GABRA2: variants seen among roughly 807,000 people sequenced by gnomAD.
GABRA2 encodes gamma-aminobutyric acid receptor subunit alpha-2.
A neutral mutation model predicts 48.7 loss-of-function variants in GABRA2; 16 were observed. The observed-to-expected ratio is 0.33, with a 90% CI of 0.22 to 0.50. GABRA2 has a LOEUF of 0.50. GABRA2 is among the 20% of genes least tolerant of loss of function. GABRA2 has a pLI of 0.98. For missense variants in GABRA2, 275 were observed against 535.6 expected (o/e 0.51, Z 4.80); for synonymous variants, 185 against 184.5 (o/e 1.00, Z -0.02).
Position 46,312,131 on chromosome 4 carries a change from G to C in GABRA2, c.476+365C>G, listed in dbSNP as rs373378083. 2.5e-4 allele frequency among the ~76,000 whole-genome samples: 38 copies of C among 152,072 alleles called. 1 individual carries two copies. The East Asian group carries it at 4.5e-3, about 18-fold the overall frequency. On this transcript the variant is annotated intron_variant, in intron 5 of 9. Coordinates refer to ENST00000381620, the MANE Select transcript of GABRA2 (RefSeq NM_000807.4). ...GAATAAATAAATAAAGTCTTACTTT[G>C]AAATAACAAAAATTTTGATGGGATA...
intron 3 of GABRA2, among the ~76,000 whole-genome samples, chr4:46,375,151 C>T (rs1715503194): frequency 6.6e-6 from 1 of 151,882 alleles, no homozygotes; most frequent in South Asian, 2.1e-4. Context: ...CTGCAAAATC[C>T]AGTGAAGAAT....
intron 3 of GABRA2, among the ~76,000 whole-genome samples, chr4:46,345,647 G>T (rs1297596432): frequency 6.6e-6 from 1 of 151,840 alleles, no homozygotes; most frequent in East Asian, 1.9e-4. Flanking sequence ...AGGATACCTT[G>T]CATTGACGTT....
chr4:46,292,045 C>G (rs1040261050), intron 8 of GABRA2, among the ~76,000 whole-genome samples: 1 of 151,964 alleles, frequency 6.6e-6, no homozygotes, highest in Middle Eastern at 3.2e-3. Context: ...TAGAGAGTTA[C>G]GCCAAATGAG....
chr4:46,310,388 C>A, intron 5 of GABRA2, 133 bp from the exon 6 acceptor site: 1 of 540,186 alleles, frequency 1.9e-6, no homozygotes, highest in East Asian at 2.9e-5. Context: ...TTTAAATAAT[C>A]TTTTGTTCAT....
intron 1 of GABRA2, 34 bp from the exon 2 acceptor site, chr4:46,388,750 A>G (rs1020934079): frequency 6.2e-7 from 1 of 1,612,746 alleles, no homozygotes; most frequent in Non-Finnish European, 8.5e-7. Flanking sequence ...AACAAAATAC[A>G]CTTAAAATTG....
chr4:46,284,882 A>T (rs540721685), intron 8 of GABRA2, among the ~76,000 whole-genome samples: 1 of 152,092 alleles, frequency 6.6e-6, no homozygotes, highest in South Asian at 2.1e-4. Context: ...AAAGCTTTGG[A>T]CTTAGGGGAA....
Position 46,389,925 on chromosome 4 carries a change from T to A in GABRA2, c.-201A>T. 1 of 977,462 alleles carries A rather than the reference T, an allele frequency of 1.0e-6. No homozygotes were observed. Among genetic ancestry groups the A allele is most frequent in the African/African-American group, 1.9e-5 (1 of 53,350 alleles). The allele number at this position is 977,462 out of a possible 1,614,324, so 60.5% of individuals were successfully genotyped here. A position where few individuals can be genotyped will look rare whatever the true frequency, so the allele number is the denominator to read the frequency against. On this transcript the variant is annotated 5_prime_UTR_variant, in exon 1 of 10. Coordinates refer to ENST00000381620, the MANE Select transcript of GABRA2 (RefSeq NM_000807.4). Reference sequence around the variant, plus strand: ...GCTGGTGGAAGCCGGAGAGGAGCGCTAGGAGCCGCGGCGGCGGCGCGAGGT... The same window carrying A: ...GCTGGTGGAAGCCGGAGAGGAGCGCAAGGAGCCGCGGCGGCGGCGCGAGGT...
At chr4:46,278,699 A>G (rs993732394) in intron 8 of GABRA2, among the ~76,000 whole-genome samples, 4 of 152,098 alleles carry the variant, frequency 2.6e-5, no homozygotes, top group Non-Finnish European at 4.4e-5. Context: ...ATGTGAGCCC[A>G]TTTCCTTATA....
chr4:46,331,811 A>T (rs952002763), intron 4 of GABRA2, among the ~76,000 whole-genome samples: 1 of 152,066 alleles, frequency 6.6e-6, no homozygotes, highest in Non-Finnish European at 1.5e-5. Context: ...AGCTCACTGC[A>T]ACTTCGACCT....
intron 4 of GABRA2, among the ~76,000 whole-genome samples, chr4:46,320,832 A>G (rs144939943): frequency 2.0e-5 from 3 of 151,994 alleles, no homozygotes; most frequent in East Asian, 3.9e-4. Context: ...AGGGAAAACA[A>G]TATTGATATT....
At chr4:46,346,217 T>A (rs1734116543) in intron 3 of GABRA2, among the ~76,000 whole-genome samples, 1 of 151,920 alleles carries the variant, frequency 6.6e-6, no homozygotes, top group South Asian at 2.1e-4. Flanking sequence ...CTAGTAAAAG[T>A]TAAAAACATT....
rs962192458 is a variant in GABRA2 at position 46,297,381 on chromosome 4, T to G, written c.856+6079A>C. Among the ~76,000 whole-genome samples the G allele has an allele frequency of 2.7e-5, 4 of 150,200 alleles. No homozygotes were observed. In the East Asian group the frequency reaches 7.9e-4, roughly 30 times the overall value. ...ACATCAGACTCCAAGTTCTTCAGCT[T>G]TGGGACTCAGACTGGCTCTCCTTGC... On this transcript the variant is annotated intron_variant, in intron 8 of 9. Transcript: ENST00000381620.
intron 8 of GABRA2, among the ~76,000 whole-genome samples, chr4:46,272,827 C>G (rs1337381517): frequency 1.3e-5 from 2 of 151,980 alleles, no homozygotes; most frequent in Non-Finnish European, 2.9e-5. Flanking sequence ...GAAAAGGAAG[C>G]AGGAGCCAGA....
intron 3 of GABRA2, among the ~76,000 whole-genome samples, chr4:46,375,099 A>G (rs138971610): frequency 6.6e-6 from 1 of 152,264 alleles, no homozygotes; most frequent in East Asian, 1.9e-4. Flanking sequence ...TATAATAAAA[A>G]CACAAAAATA....
intron 6 of GABRA2, among the ~76,000 whole-genome samples, chr4:46,309,205 G>A (rs952391622): frequency 2.6e-5 from 4 of 152,094 alleles, no homozygotes; most frequent in Admixed American, 6.6e-5. Flanking sequence ...TACCACAAAA[G>A]TATGATCATC....
intron 5 of GABRA2, 21 bp from the exon 6 acceptor site, chr4:46,310,276 A>G (rs202213135): frequency 1.9e-6 from 3 of 1,598,436 alleles, no homozygotes; most frequent in South Asian, 2.2e-5. Flanking sequence ...AAATTTCACT[A>G]TTTGTTTAAG....
intron 3 of GABRA2, among the ~76,000 whole-genome samples, chr4:46,335,940 T>G (rs1732154090): frequency 2.0e-5 from 3 of 152,286 alleles, no homozygotes; most frequent in Non-Finnish European, 2.9e-5. Flanking sequence ...GTAAGCCCTC[T>G]TCTCTCATTT....
At position 46,248,285 on chromosome 4, in the gene GABRA2, T is replaced by C. The variant is rs1714083701; in HGVS notation, c.*2023A>G. On this transcript the variant is annotated 3_prime_UTR_variant, in exon 10 of 10. Transcript: ENST00000381620. Reference sequence around the variant, plus strand: ...TTGCCTTCTGGCATTGTGTACTTCCTTATACAATTGCACACATCCCTAAAC... The same window carrying C: ...TTGCCTTCTGGCATTGTGTACTTCCCTATACAATTGCACACATCCCTAAAC... The C allele has an allele frequency of 6.6e-6, 1 of 151,384 alleles. No individual in the cohort carries two copies. Among genetic ancestry groups the C allele is most frequent in the African/African-American group, 2.4e-5 (1 of 41,366 alleles). 9.4% of individuals were successfully genotyped at this position (151,384 alleles called of 1,614,324 possible). A position where few individuals can be genotyped will look rare whatever the true frequency, so the allele number is the denominator to read the frequency against.
chr4:46,348,873 T>C (rs1344088858), intron 3 of GABRA2, among the ~76,000 whole-genome samples: 1 of 151,608 alleles, frequency 6.6e-6, no homozygotes, highest in Non-Finnish European at 1.5e-5. Flanking sequence ...CATGTATACA[T>C]ATGTAACAAA....
Sources: gnomAD v4.1 joint callset for allele counts (sites outside exome capture counted in the v4.1 genomes callset) on GRCh38, gnomAD v4.1.1 for gene constraint, MANE v1.5 for transcripts, NCBI Gene and HGNC (gene_info 2026-07-23, HGNC 2026-07-21) for gene names.